The following C1orf94 variants were observed in gnomAD, a reference collection of about 807,000 sequenced individuals.
The protein encoded by C1orf94 is uncharacterized protein C1orf94.
C1orf94 carries 45 observed loss-of-function variants against 53.6 expected under a neutral mutation model. That is an observed-to-expected ratio of 0.84 (90% CI 0.66 to 1.08). The LOEUF is 1.08. C1orf94 is among the 50% of genes least tolerant of loss of function. The probability of loss-of-function intolerance (pLI) is 0.00; values close to 1 mark genes in which losing one functional copy is unlikely to be tolerated. For synonymous variants in C1orf94, 304 were observed against 296.1 expected (o/e 1.03, Z -0.27); for missense variants, 762 against 738.9 (o/e 1.03, Z -0.36).
At chr1:34,176,681 CCCAGCGCTTGGCACAGGG>C (rs1557475242), upstream of C1orf94, among the ~76,000 whole-genome samples, 3 of 152,190 alleles carry the variant, frequency 2.0e-5, no homozygotes, top group African/African-American at 7.2e-5. Flanking sequence ...TGAATGTGAG[CCCAGCGCTTGGCACAGGG>C]CAAGCGCCCC....
At chr1:34,189,718 C>T (rs940330034) in intron 1 of C1orf94, among the ~76,000 whole-genome samples, 1 of 152,050 alleles carries the variant, frequency 6.6e-6, no homozygotes, top group Non-Finnish European at 1.5e-5. Context: ...GGTGACCTCC[C>T]TTTCCACTCA....
intron 1 of C1orf94, among the ~76,000 whole-genome samples, chr1:34,193,540 A>G (rs954756928): frequency 1.3e-5 from 2 of 152,148 alleles, no homozygotes; most frequent in Non-Finnish European, 2.9e-5. Context: ...CTGGATAACA[A>G]TCTCCTGAAA....
intron 1 of C1orf94, among the ~76,000 whole-genome samples, chr1:34,181,556 G>A (rs997365601): frequency 6.6e-6 from 1 of 152,204 alleles, no homozygotes; most frequent in Non-Finnish European, 1.5e-5. Flanking sequence ...TGAGAAACTA[G>A]GGGGATGGAG....
chr1:34,177,164 G>T lies in C1orf94; in HGVS notation c.-626G>T, dbSNP rs4653400. ...ACACACGCCTCATCCCTTCTTTCCG[G>T]GGGCAGCAGAGCAGCAGCGGGAGAC... is the stretch of plus-strand genomic sequence containing the variant. On this transcript the variant is annotated 5_prime_UTR_variant, in exon 1 of 7. Transcript: ENST00000488417. Among the ~76,000 whole-genome samples the T allele has an allele frequency of 0.32, 47,923 of 152,116 alleles. 8,315 individuals carry two copies. Among genetic ancestry groups the T allele is most frequent in the South Asian group, 0.46 (2,222 of 4,824 alleles).
intron 5 of C1orf94, 80 bp from the exon 6 acceptor site, chr1:34,212,130 T>G: frequency 6.8e-6 from 9 of 1,327,368 alleles, no homozygotes; most frequent in African/African-American, 1.5e-5. Flanking sequence ...GCACAGGGGC[T>G]GAGACTGGGG....
intron 6 of C1orf94, among the ~76,000 whole-genome samples, chr1:34,215,688 TG>T (rs1298750362): frequency 3.3e-5 from 5 of 152,208 alleles, no homozygotes; most frequent in Non-Finnish European, 7.3e-5. Flanking sequence ...CTTGTGCAAC[TG>T]GAGCAGCAGC....
intron 5 of C1orf94, among the ~76,000 whole-genome samples, chr1:34,209,285 A>AACAC (rs59376155): frequency 0.02 from 2,861 of 143,692 alleles, 52 homozygotes; most frequent in African/African-American, 0.05. Flanking sequence ...GAGAAATGCA[A>AACAC]ACACACACAC....
intron 1 of C1orf94, among the ~76,000 whole-genome samples, chr1:34,192,182 T>C (rs74063752): frequency 0.039 from 5,922 of 152,094 alleles, 365 homozygotes; most frequent in African/African-American, 0.13. Context: ...AAAAGGTAGA[T>C]TACAGGAAAT....
chr1:34,216,187 G>A (rs1642984452), intron 6 of C1orf94, among the ~76,000 whole-genome samples: 1 of 152,150 alleles, frequency 6.6e-6, no homozygotes, highest in Non-Finnish European at 1.5e-5. Flanking sequence ...TGGAACTCAG[G>A]GGAGAGGTTG....
At chr1:34,182,855 A>G (rs1642330998) in intron 1 of C1orf94, among the ~76,000 whole-genome samples, 1 of 152,170 alleles carries the variant, frequency 6.6e-6, no homozygotes, top group Non-Finnish European at 1.5e-5. Flanking sequence ...CCAAATGCTG[A>G]GAGCTGGGAG....
intron 1 of C1orf94, among the ~76,000 whole-genome samples, chr1:34,190,858 A>G (rs766756555): frequency 6.6e-6 from 1 of 152,208 alleles, no homozygotes; most frequent in Non-Finnish European, 1.5e-5. Context: ...ACCACCCCAA[A>G]GCTTAGTGGC....
At chr1:34,214,883 G>T (rs1384398072) in intron 6 of C1orf94, among the ~76,000 whole-genome samples, 1 of 152,188 alleles carries the variant, frequency 6.6e-6, no homozygotes, top group Non-Finnish European at 1.5e-5. Flanking sequence ...AGGACCATGA[G>T]GTCGGAAAAA....
At position 34,188,868 on chromosome 1, in the gene C1orf94, C is replaced by T. The variant is rs76040282; in HGVS notation, c.321-8357C>T. On this transcript the variant is annotated intron_variant, in intron 1 of 6. Coordinates refer to ENST00000488417, the MANE Select transcript of C1orf94 (RefSeq NM_001134734.2). ...GACACGGGTTCACAAGCCCTGGTAC[C>T]GCAACTGAATGAATCTGCAATTTCT... Among the ~76,000 whole-genome samples, 768 of 152,196 alleles carry T rather than the reference C, an allele frequency of 5.0e-3. 12 individuals carry two copies. The highest frequency in any genetic ancestry group is 0.017 in the African/African-American group (708 of 41,524).
intron 1 of C1orf94, among the ~76,000 whole-genome samples, chr1:34,182,535 G>A (rs1018480499): frequency 6.6e-6 from 1 of 152,136 alleles, no homozygotes; most frequent in Non-Finnish European, 1.5e-5. Flanking sequence ...TCAGAGTCCA[G>A]GGGAGGCCTA....
At chr1:34,203,601 A>C (rs903407673) in intron 4 of C1orf94, among the ~76,000 whole-genome samples, 1 of 152,094 alleles carries the variant, frequency 6.6e-6, no homozygotes, top group Non-Finnish European at 1.5e-5. Context: ...CTTAAACTAC[A>C]CCAAGCAGTC....
chr1:34,185,762 G>C (rs574437492), intron 1 of C1orf94, among the ~76,000 whole-genome samples: 7 of 152,314 alleles, frequency 4.6e-5, no homozygotes, highest in African/African-American at 1.7e-4. Context: ...ATCTTCTGAA[G>C]CAGGTCAACA....
rs1334755786 is a variant in C1orf94, at chr1:34,217,841, C to T, written c.1722-845C>T. Among the ~76,000 whole-genome samples, 2 of 152,186 alleles carry T rather than the reference C, an allele frequency of 1.3e-5. 1 individual carries two copies. The highest frequency in any genetic ancestry group is 1.3e-4 in the Admixed American group (2 of 15,282). ...GCCCAGCTGAAAAGTGATTGAGAAT[C>T]CCAGGATTAGATTAAATCTAGCCAT... On this transcript the variant is annotated intron_variant, in intron 6 of 6. Coordinates refer to ENST00000488417, the MANE Select transcript of C1orf94 (RefSeq NM_001134734.2).
chr1:34,185,849 G>T (rs1436815999), intron 1 of C1orf94, among the ~76,000 whole-genome samples: 1 of 152,172 alleles, frequency 6.6e-6, no homozygotes, highest in Non-Finnish European at 1.5e-5. Context: ...CTCTGTAGTG[G>T]CCCTGCCTCC....
At chr1:34,198,357 A>G (rs1642638981) in intron 2 of C1orf94, among the ~76,000 whole-genome samples, 1 of 152,252 alleles carries the variant, frequency 6.6e-6, no homozygotes, top group South Asian at 2.1e-4. Flanking sequence ...CCTTGAGGAC[A>G]TGAGGCCTGG....
Sources: gnomAD v4.1 joint callset for allele counts (sites outside exome capture counted in the v4.1 genomes callset) on GRCh38, gnomAD v4.1.1 for gene constraint, MANE v1.5 for transcripts, NCBI Gene and HGNC (gene_info 2026-07-23, HGNC 2026-07-21) for gene names.